The following KIF13B variants were observed in gnomAD, a reference collection of about 807,000 sequenced individuals.
KIF13B encodes kinesin family member 13B.
KIF13B carries 127 observed loss-of-function variants against 222.0 expected under a neutral mutation model. The observed-to-expected ratio is 0.57, with a 90% confidence interval of 0.50 to 0.66. KIF13B has a LOEUF of 0.66. Ranked by LOEUF, KIF13B falls within the 30% of genes least tolerant of loss-of-function variation. KIF13B has a pLI of 0.00. For synonymous variants in KIF13B, 976 were observed against 919.0 expected (o/e 1.06, Z -1.12); for missense variants, 2,173 against 2,379.0 (o/e 0.91, Z 1.80).
intron 20 of KIF13B, 127 bp from the exon 21 acceptor site, chr8:29,140,318 T>G: frequency 7.1e-7 from 1 of 1,417,858 alleles, no homozygotes; most frequent in East Asian, 2.4e-5. Flanking sequence ...AGGCCTAGTC[T>G]CTGACAGTTA....
chr8:29,175,531 A>G (rs1231879493), intron 10 of KIF13B, among the ~76,000 whole-genome samples: 1 of 152,220 alleles, frequency 6.6e-6, no homozygotes, highest in Non-Finnish European at 1.5e-5. Context: ...GAATCAATCA[A>G]TGAATGAATG....
intron 14 of KIF13B, 151 bp downstream of exon 14, chr8:29,155,575 G>A: frequency 1.7e-6 from 1 of 604,224 alleles, no homozygotes; most frequent in Non-Finnish European, 3.0e-6. Flanking sequence ...ATGGGTGTGA[G>A]AGGCATTAAA....
chr8:29,097,970 G>C (rs186248915), intron 36 of KIF13B, among the ~76,000 whole-genome samples: 316 of 151,844 alleles, frequency 2.1e-3, no homozygotes, highest in Middle Eastern at 6.8e-3. Flanking sequence ...AGGAGATAGA[G>C]ACCAACCTGG....
intron 2 of KIF13B, among the ~76,000 whole-genome samples, chr8:29,211,312 T>C (rs746512313): frequency 6.6e-6 from 1 of 152,192 alleles, no homozygotes; most frequent in Non-Finnish European, 1.5e-5. Flanking sequence ...GCAAGAAAAC[T>C]GGGCAAAAGA....
intron 26 of KIF13B, among the ~76,000 whole-genome samples, chr8:29,125,233 G>A (rs1810055065): frequency 6.6e-6 from 1 of 151,964 alleles, no homozygotes; most frequent in Admixed American, 6.6e-5. Context: ...GAGGGGATAG[G>A]GGTTGTCATC....
chr8:29,127,412 A>C, intron 24 of KIF13B, 144 bp from the exon 25 acceptor site: 2 of 567,578 alleles, frequency 3.5e-6, no homozygotes, highest in Non-Finnish European at 5.8e-6. Flanking sequence ...ATTAAAATAC[A>C]AATTTAAAAA....
intron 37 of KIF13B, among the ~76,000 whole-genome samples, chr8:29,081,638 G>T (rs1244882230): frequency 6.6e-6 from 1 of 152,236 alleles, no homozygotes; most frequent in South Asian, 2.1e-4. Context: ...TGATATGACA[G>T]TATTTTCAAT....
At chr8:29,211,704 T>C (rs915869119) in intron 2 of KIF13B, among the ~76,000 whole-genome samples, 2 of 152,192 alleles carry the variant, frequency 1.3e-5, no homozygotes, top group Non-Finnish European at 2.9e-5. Flanking sequence ...TTCCCAGAGC[T>C]TGCACGGGGC....
chr8:29,101,868 A>C (rs1808802542), intron 35 of KIF13B, among the ~76,000 whole-genome samples: 1 of 152,084 alleles, frequency 6.6e-6, no homozygotes, highest in Admixed American at 6.5e-5. Flanking sequence ...CCTCCAGCTG[A>C]CGCCTACGAA....
intron 2 of KIF13B, among the ~76,000 whole-genome samples, chr8:29,200,916 G>A (rs1282496827): frequency 6.6e-6 from 1 of 152,164 alleles, no homozygotes; most frequent in Non-Finnish European, 1.5e-5. Context: ...ATTCTACCAA[G>A]AGTCATATGA....
chr8:29,075,910 C>T (rs1330970091), intron 37 of KIF13B, among the ~76,000 whole-genome samples: 1 of 152,172 alleles, frequency 6.6e-6, no homozygotes, highest in Non-Finnish European at 1.5e-5. Context: ...AGCTGAAGGC[C>T]AGAGACACTG....
chr8:29,109,874 C>T, intron 33 of KIF13B, 44 bp downstream of exon 33: 1 of 1,596,416 alleles, frequency 6.3e-7, no homozygotes, highest in Non-Finnish European at 8.6e-7. Flanking sequence ...ACTCAGCCTG[C>T]ATCAGGGCCT....
At chr8:29,161,801 G>A (rs1442780728) in intron 12 of KIF13B, among the ~76,000 whole-genome samples, 1 of 151,416 alleles carries the variant, frequency 6.6e-6, no homozygotes, top group Non-Finnish European at 1.5e-5. Flanking sequence ...ATCTGGAGCA[G>A]ACGTGTTCTA....
intron 2 of KIF13B, among the ~76,000 whole-genome samples, chr8:29,223,769 G>GCAACCTC: frequency 6.6e-6 from 1 of 152,262 alleles, no homozygotes; most frequent in African/African-American, 2.4e-5. Context: ...TCGGCTCACT[G>GCAACCTC]CAACCTCCAC....
chr8:29,262,905 CA>C (rs1816740427), intron 1 of KIF13B, 74 bp downstream of exon 1: 1 of 1,273,392 alleles, frequency 7.9e-7, no homozygotes, highest in Non-Finnish European at 1.1e-6. Context: ...CCGGACCCCC[CA>C]CGGCGGCCGA....
At chr8:29,146,590 G>A (rs1188937570) in intron 17 of KIF13B, 50 bp from the exon 18 acceptor site, 1 of 1,530,910 alleles carries the variant, frequency 6.5e-7, no homozygotes, top group Admixed American at 1.9e-5. Flanking sequence ...TTAACACAAA[G>A]CAGCTAGTCA....
chr8:29,127,075 G>C (rs1042147960), intron 25 of KIF13B, 47 bp downstream of exon 25: 1 of 1,582,784 alleles, frequency 6.3e-7, no homozygotes. Flanking sequence ...AGGCACTCTG[G>C]TCTGATTTTG....
chr8:29,213,751 C>G (rs908074090), intron 2 of KIF13B, among the ~76,000 whole-genome samples: 1 of 151,632 alleles, frequency 6.6e-6, no homozygotes, highest in Admixed American at 6.6e-5. Flanking sequence ...GAGTTCGAAA[C>G]GAGCCTGGCC....
intron 1 of KIF13B, among the ~76,000 whole-genome samples, chr8:29,253,168 G>A (rs1315229097): frequency 6.6e-6 from 1 of 151,914 alleles, no homozygotes; most frequent in Non-Finnish European, 1.5e-5. Context: ...GCAAGAACCT[G>A]TCCCTAAAAC....
Sources: allele counts gnomAD v4.1 joint callset (sites outside exome capture counted in the v4.1 genomes callset), GRCh38; gene constraint gnomAD v4.1.1; transcripts MANE v1.5; gene names NCBI Gene and HGNC (gene_info 2026-07-23, HGNC 2026-07-21).